RYR3: variants seen among roughly 807,000 people sequenced by gnomAD.
RYR3 encodes brain ryanodine receptor-calcium release channel.
Under a neutral mutation model 584.3 loss-of-function variants are expected in RYR3, and 207 were observed. The observed-to-expected ratio is 0.35, with a 90% CI of 0.32 to 0.40. RYR3 has a LOEUF of 0.40. RYR3 is among the 10% of genes least tolerant of loss of function. The probability of loss-of-function intolerance (pLI) is 1.00; values close to 1 mark genes in which losing one functional copy is unlikely to be tolerated. For missense variants in RYR3, 5,616 were observed against 6,089.2 expected (o/e 0.92, Z 2.59); for synonymous variants, 2,416 against 2,248.5 (o/e 1.07, Z -2.11).
intron 11 of RYR3, among the ~76,000 whole-genome samples, chr15:33,563,322 T>C (rs2057516564): frequency 6.6e-6 from 1 of 152,232 alleles, no homozygotes; most frequent in African/African-American, 2.4e-5. Context: ...ATCCACATCA[T>C]TGCTGCCTTC....
At chr15:33,737,505 G>T (rs761306707) in intron 49 of RYR3, among the ~76,000 whole-genome samples, 26 of 152,076 alleles carry the variant, frequency 1.7e-4, no homozygotes, top group Non-Finnish European at 2.9e-4. Flanking sequence ...TAGTCCAAGC[G>T]AGCATTTCAG....
chr15:33,459,202 A>T (rs2047815797), intron 1 of RYR3, among the ~76,000 whole-genome samples: 1 of 152,230 alleles, frequency 6.6e-6, no homozygotes, highest in Non-Finnish European at 1.5e-5. Flanking sequence ...CATATGGTTG[A>T]GCCCCACGGC....
rs1392930789 is a variant in RYR3, at chr15:33,580,964, A to G, written c.1438-544A>G. Among the ~76,000 whole-genome samples, 5 of 144,064 alleles carry G rather than the reference A, an allele frequency of 3.5e-5. No homozygotes were observed. The East Asian group carries it at 1.1e-3, about 32-fold the overall frequency. The allele number at this position is 144,064 out of a possible 152,430, so 94.5% of individuals were successfully genotyped here. Reference sequence around the variant, plus strand: ...AGCACAGATTTTTACTGGGTGGCATAGTATTTCAAATTAGCTAGAAAAGTG... The same window carrying G: ...AGCACAGATTTTTACTGGGTGGCATGGTATTTCAAATTAGCTAGAAAAGTG... On this transcript the variant is annotated intron_variant, in intron 13 of 103. Transcript: ENST00000634891.
chr15:33,564,651 T>G (rs2057601012), intron 11 of RYR3, among the ~76,000 whole-genome samples: 1 of 152,210 alleles, frequency 6.6e-6, no homozygotes, highest in Non-Finnish European at 1.5e-5. Flanking sequence ...GTGGAATTTG[T>G]GGATCTTGGC....
intron 2 of RYR3, among the ~76,000 whole-genome samples, chr15:33,486,370 C>T (rs2050424240): frequency 1.3e-5 from 2 of 152,144 alleles, no homozygotes; most frequent in Admixed American, 6.5e-5. Context: ...CCAGTCTCTG[C>T]CTCCATCTTT....
At chr15:33,332,285 C>T (rs947946287) in intron 1 of RYR3, among the ~76,000 whole-genome samples, 5 of 152,138 alleles carry the variant, frequency 3.3e-5, no homozygotes, top group Non-Finnish European at 7.4e-5. Context: ...TCCAGTTCAT[C>T]AGGAAGTTAT....
chr15:33,371,446 T>C (rs2040324690), intron 1 of RYR3, among the ~76,000 whole-genome samples: 1 of 152,164 alleles, frequency 6.6e-6, no homozygotes, highest in African/African-American at 2.4e-5. Context: ...GCTGAAAGTG[T>C]CATGAGGCCC....
rs754819780 is a variant in RYR3 at position 33,780,331 on chromosome 15, G to A, written c.9258G>A (p.Arg3086=). The A allele has an allele frequency of 1.6e-5, 26 of 1,613,776 alleles. No homozygotes were observed. In the South Asian group the frequency reaches 2.9e-4, roughly 18 times the overall value. The change falls in exon 65 of 104, where the codon AGG becomes AGA. Residue 3086 remains arginine (R), a synonymous_variant. Coordinates refer to ENST00000634891, the MANE Select transcript of RYR3 (RefSeq NM_001036.6). ...PLSVFNTKTP[R]ERSILGMPDT... is the part of the protein sequence containing the mutation. Reference sequence around the variant, plus strand: ...CGGTCTTCAACACCAAAACCCCCAGGGAGAGGTCTAGTAAGTATCTCCCCT... The same window carrying A: ...CGGTCTTCAACACCAAAACCCCCAGAGAGAGGTCTAGTAAGTATCTCCCCT...
chr15:33,438,505 A>G (rs192750747), intron 1 of RYR3, among the ~76,000 whole-genome samples: 1 of 152,196 alleles, frequency 6.6e-6, no homozygotes, highest in Admixed American at 6.5e-5. Flanking sequence ...CCGAGTCCCA[A>G]CCCCATTTCC....
intron 38 of RYR3, among the ~76,000 whole-genome samples, chr15:33,679,951 C>T (rs1385931299): frequency 6.6e-6 from 1 of 152,096 alleles, no homozygotes; most frequent in Non-Finnish European, 1.5e-5. Flanking sequence ...AACTGTTTTT[C>T]TGAGTTTTAT....
chr15:33,807,789 AC>A (rs1335807978), intron 70 of RYR3: 2 of 582,080 alleles, frequency 3.4e-6, no homozygotes, highest in Admixed American at 5.9e-5. Flanking sequence ...GCCAAGCCTC[AC>A]CCTAACCGAG....
intron 26 of RYR3, 73 bp downstream of exon 26, chr15:33,635,892 C>G: frequency 7.7e-7 from 1 of 1,300,182 alleles, no homozygotes; most frequent in African/African-American, 1.5e-5. Context: ...TCTGGAAGCT[C>G]AAATTACTGG....
In RYR3 at chr15:33,768,658, C is replaced by T. The variant is rs774409645; in HGVS notation, c.8706C>T (p.Gly2902=). 12 of 1,613,918 alleles carry T rather than the reference C, an allele frequency of 7.4e-6. No homozygotes were observed. Among genetic ancestry groups the T allele is most frequent in the Middle Eastern group, 1.6e-4 (1 of 6,062 alleles). ...TGAATTGCTTTCTTTTCTGCTTCAG[C>T]CTGTTCTGCAAACTTGCCGCTCTCG... ...ASHKEKEMVA[G]LFCKLAALVR... Residue 2902 remains glycine, a splice_region_variant and synonymous_variant, in exon 61 of 104, where the codon GGC becomes GGT. Transcript: ENST00000634891.
At chr15:33,542,606 A>G (rs944848753) in intron 7 of RYR3, among the ~76,000 whole-genome samples, 2 of 152,258 alleles carry the variant, frequency 1.3e-5, no homozygotes, top group Admixed American at 1.3e-4. Context: ...ACAGACTGTC[A>G]CTGTACAAAA....
At chr15:33,857,999 G>A in intron 99 of RYR3, 85 bp downstream of exon 99, 2 of 1,561,202 alleles carry the variant, frequency 1.3e-6, no homozygotes, top group African/African-American at 1.4e-5. Flanking sequence ...GGGCTGTGTG[G>A]GGGTGCTCTT....
rs753357383 is a variant in RYR3, at chr15:33,646,434, C to T, written c.3849C>T (p.Ala1283=). The change falls in exon 29 of 104, where the codon GCC becomes GCT. Residue 1283 remains alanine (A), a synonymous_variant. Coordinates refer to ENST00000634891, the MANE Select transcript of RYR3 (RefSeq NM_001036.6). ...HKTFGTQNSN[A]DMIYCRLSMP... is the part of the protein sequence containing the mutation. ...CATTTGGCACACAGAATAGCAATGC[C>T]GACATGATCTATTGCCGCTTGAGCA... The T allele has an allele frequency of 5.1e-5, 83 of 1,613,778 alleles. No homozygotes were observed. The highest frequency in any genetic ancestry group is 2.2e-5 in the East Asian group (1 of 44,894).
At chr15:33,534,767 G>A (rs186502711) in intron 5 of RYR3, among the ~76,000 whole-genome samples, 133 of 152,268 alleles carry the variant, frequency 8.7e-4, no homozygotes, top group Middle Eastern at 3.4e-3. Flanking sequence ...AAACTACTTC[G>A]GAACATCAGC....
At chr15:33,352,410 T>G (rs958431248) in intron 1 of RYR3, among the ~76,000 whole-genome samples, 1 of 152,106 alleles carries the variant, frequency 6.6e-6, no homozygotes, top group Non-Finnish European at 1.5e-5. Context: ...GATCAATTAT[T>G]TTGATACAGT....
intron 16 of RYR3, among the ~76,000 whole-genome samples, chr15:33,589,987 C>T (rs767552933): frequency 4.6e-5 from 7 of 151,402 alleles, no homozygotes; most frequent in South Asian, 4.2e-4. Flanking sequence ...GGGCTAAGTT[C>T]GAAAAGAGAG....
Sources: allele counts gnomAD v4.1 joint callset (sites outside exome capture counted in the v4.1 genomes callset), GRCh38; gene constraint gnomAD v4.1.1; transcripts MANE v1.5; gene names NCBI Gene and HGNC (gene_info 2026-07-23, HGNC 2026-07-21).